DUSP22: variants seen among roughly 807,000 people sequenced by gnomAD.
DUSP22 encodes dual specificity protein phosphatase 22.
A neutral mutation model predicts 24.5 loss-of-function variants in DUSP22; 24 were observed. The observed-to-expected ratio is 0.98, with a 90% CI of 0.71 to 1.38. The LOEUF (loss-of-function observed/expected upper bound fraction) is 1.38, where lower values mean the gene tolerates loss of function less well. Among genes scored for constraint, DUSP22 ranks in the 40% most tolerant of loss-of-function variants. DUSP22 has a pLI of 0.00. For missense variants in DUSP22, 330 were observed against 269.2 expected, an observed-to-expected ratio of 1.23 and a Z score of -1.58; for synonymous variants, 160 against 106.4, an observed-to-expected ratio of 1.50 and a Z score of -3.10.
At chr6:347,752 G>C (rs1220175658) in intron 5 of DUSP22, among the ~76,000 whole-genome samples, 3 of 152,302 alleles carry the variant, frequency 2.0e-5, no homozygotes, top group African/African-American at 7.2e-5. Flanking sequence ...GTAGGCCCTG[G>C]AAGCCTCGTT....
intron 2 of DUSP22, among the ~76,000 whole-genome samples, chr6:306,850 CAT>C (rs1312953812): frequency 1.3e-5 from 2 of 152,312 alleles, no homozygotes; most frequent in Admixed American, 6.5e-5. Flanking sequence ...TGTGTCCTCA[CAT>C]GAGTTACACA....
chr6:317,786 C>T (rs1758400546), intron 3 of DUSP22, among the ~76,000 whole-genome samples: 2 of 152,308 alleles, frequency 1.3e-5, no homozygotes, highest in African/African-American at 4.8e-5. Context: ...CACGCAGGGG[C>T]CCCTCTGCAG....
intron 2 of DUSP22, among the ~76,000 whole-genome samples, chr6:306,944 G>A (rs1229008220): frequency 5.2e-5 from 8 of 152,420 alleles, no homozygotes; most frequent in African/African-American, 1.7e-4. Flanking sequence ...GATGCCCTCG[G>A]TGGGCTCAGT....
intron 2 of DUSP22, among the ~76,000 whole-genome samples, chr6:310,676 T>G (rs1300787053): frequency 6.6e-6 from 1 of 152,302 alleles, no homozygotes; most frequent in Non-Finnish European, 1.5e-5. Flanking sequence ...CTTCTAGAGT[T>G]AATGGTTTTG....
chr6:312,731 A>C (rs1451341368), intron 3 of DUSP22, among the ~76,000 whole-genome samples: 1 of 152,306 alleles, frequency 6.6e-6, no homozygotes, highest in Non-Finnish European at 1.5e-5. Flanking sequence ...TTTTCATTTA[A>C]ATTTATATTA....
intron 5 of DUSP22, 139 bp from the exon 6 acceptor site, chr6:347,964 G>A (rs906784053): frequency 1.3e-5 from 17 of 1,280,228 alleles, no homozygotes; most frequent in Admixed American, 8.4e-5. Flanking sequence ...TCCTGGTGGC[G>A]AGCTTGCTGT....
intron 1 of DUSP22, among the ~76,000 whole-genome samples, chr6:295,728 A>T (rs1257416953): frequency 6.6e-6 from 1 of 151,900 alleles, no homozygotes; most frequent in African/African-American, 2.4e-5. Flanking sequence ...TCAGCCCGGG[A>T]AGTCTAGGCT....
chr6:340,555 A>C (rs1581187831), intron 4 of DUSP22, among the ~76,000 whole-genome samples: 1 of 152,310 alleles, frequency 6.6e-6, no homozygotes, highest in East Asian at 1.9e-4. Context: ...AAACATACAT[A>C]TTTACATATG....
intron 3 of DUSP22, among the ~76,000 whole-genome samples, chr6:334,080 T>G (rs1759260266): frequency 6.6e-6 from 1 of 152,308 alleles, no homozygotes; most frequent in African/African-American, 2.4e-5. Flanking sequence ...TTGTGACTAA[T>G]TACTGAAGAT....
chr6:328,612 T>TAATAAC (rs1420940436), intron 3 of DUSP22, among the ~76,000 whole-genome samples: 1 of 152,310 alleles, frequency 6.6e-6, no homozygotes, highest in Non-Finnish European at 1.5e-5. Flanking sequence ...ACCACAGAGT[T>TAATAAC]CTTGGAAGTT....
chr6:309,987 C>T (rs1290725253), intron 2 of DUSP22, among the ~76,000 whole-genome samples: 1 of 152,416 alleles, frequency 6.6e-6, no homozygotes, highest in South Asian at 2.1e-4. Context: ...TTGAGATAGA[C>T]TCTCACTCTG....
At chr6:320,157 A>T (rs1758523855) in intron 3 of DUSP22, 1 of 152,572 alleles carries the variant, frequency 6.6e-6, no homozygotes, top group Admixed American at 6.5e-5. Flanking sequence ...TAAACTTCTA[A>T]ATCAAAGAAC....
chr6:350,721 A>G lies in DUSP22; in HGVS notation c.*1770A>G. On this transcript the variant is annotated 3_prime_UTR_variant, in exon 7 of 7. Coordinates refer to ENST00000419235, the MANE Select transcript of DUSP22 (RefSeq NM_001286555.3). ...GAAAAATGATTTAGGATATAGCTTGAATGCTTAAATATGTGCACCTTTACA... is the reference window on the plus strand; with the variant it reads ...GAAAAATGATTTAGGATATAGCTTGGATGCTTAAATATGTGCACCTTTACA... 6.2e-7 allele frequency: 1 copy of G among 1,607,958 alleles called. No homozygotes were observed. Among genetic ancestry groups the G allele is most frequent in the Non-Finnish European group, 8.5e-7 (1 of 1,177,340 alleles).
At chr6:348,637 G>T in intron 6 of DUSP22, 132 bp from the exon 7 acceptor site, 1 of 1,470,636 alleles carries the variant, frequency 6.8e-7, no homozygotes, top group Middle Eastern at 1.9e-4. Context: ...ACAGAGCTCT[G>T]ATTTCCCACT....
chr6:293,691 A>G (rs1274141397), intron 1 of DUSP22, among the ~76,000 whole-genome samples: 1 of 152,164 alleles, frequency 6.6e-6, no homozygotes, highest in Non-Finnish European at 1.5e-5. Context: ...TCACGTGCGC[A>G]TGTCGTGTTT....
chr6:310,737 A>C (rs892480264), intron 2 of DUSP22, among the ~76,000 whole-genome samples: 1 of 152,308 alleles, frequency 6.6e-6, no homozygotes, highest in Admixed American at 6.5e-5. Flanking sequence ...GAATTAAAAA[A>C]ATATTTTAAA....
chr6:312,453 T>C (rs1758153933), intron 3 of DUSP22, among the ~76,000 whole-genome samples: 1 of 151,996 alleles, frequency 6.6e-6, no homozygotes, highest in Non-Finnish European at 1.5e-5. Flanking sequence ...GTAGAAGCTG[T>C]TGTGTTTTAG....
intron 4 of DUSP22, among the ~76,000 whole-genome samples, chr6:341,292 A>G (rs1759596039): frequency 6.6e-6 from 1 of 152,428 alleles, no homozygotes; most frequent in African/African-American, 2.4e-5. Flanking sequence ...AACGGAGAGC[A>G]GGAACAGGGA....
intron 2 of DUSP22, among the ~76,000 whole-genome samples, chr6:310,449 G>GA (rs1280517928): frequency 2.0e-5 from 3 of 152,302 alleles, no homozygotes; most frequent in Admixed American, 6.5e-5. Context: ...CATTGGAAGG[G>GA]AATATAATTT....
Sources: allele counts gnomAD v4.1 joint callset (sites outside exome capture counted in the v4.1 genomes callset), GRCh38; gene constraint gnomAD v4.1.1; transcripts MANE v1.5; gene names NCBI Gene and HGNC (gene_info 2026-07-23, HGNC 2026-07-21).